Variants in NOS1 observed in about 807,000 individuals in gnomAD.
NOS1 encodes the protein NOS type I.
A neutral mutation model predicts 164.5 loss-of-function variants in NOS1; 51 were observed. That is an observed-to-expected ratio of 0.31 (90% confidence interval 0.25 to 0.39). NOS1 has a LOEUF of 0.39. Among genes scored for constraint, NOS1 ranks in the 10% least tolerant of loss-of-function variants. The probability of loss-of-function intolerance (pLI) is 1.00; values close to 1 mark genes in which losing one functional copy is unlikely to be tolerated. For missense variants in NOS1, 1,362 were observed against 1,885.6 expected (o/e 0.72, Z 5.14); for synonymous variants, 719 against 745.8 (o/e 0.96, Z 0.59).
intron 3 of NOS1, among the ~76,000 whole-genome samples, chr12:117,304,236 AG>A (rs1874014795): frequency 6.6e-6 from 1 of 152,176 alleles, no homozygotes; most frequent in South Asian, 2.1e-4. Context: ...GCAACCTCAG[AG>A]AACTAATAAT....
chr12:117,309,431 T>C, intron 3 of NOS1: 1 of 970,420 alleles, frequency 1.0e-6, no homozygotes, highest in Non-Finnish European at 1.2e-6. Flanking sequence ...GTAGAGAACT[T>C]TGAGGCCTTG....
intron 12 of NOS1, 43 bp from the exon 13 acceptor site, chr12:117,264,017 G>A: frequency 6.5e-7 from 1 of 1,534,542 alleles, no homozygotes; most frequent in East Asian, 2.3e-5. Flanking sequence ...ACTGCAGTGA[G>A]GGCATCTGGT....
intron 23 of NOS1, among the ~76,000 whole-genome samples, chr12:117,227,099 T>C (rs140235927): frequency 4.3e-4 from 66 of 152,204 alleles, no homozygotes; most frequent in African/African-American, 1.6e-3. Context: ...AGGGCAGAGC[T>C]TGGGTTATCT....
At chr12:117,358,008 G>C (rs970974780) in intron 1 of NOS1, among the ~76,000 whole-genome samples, 1 of 152,104 alleles carries the variant, frequency 6.6e-6, no homozygotes, top group Non-Finnish European at 1.5e-5. Context: ...CAGTTCTCAC[G>C]AGCACGGATT....
In NOS1 at chr12:117,294,401, G is replaced by A. The variant is rs73405429; in HGVS notation, c.853-3975C>T. 5.6e-3 allele frequency among the ~76,000 whole-genome samples: 854 copies of A among 152,286 alleles called. 7 individuals carry two copies. Among genetic ancestry groups the A allele is most frequent in the African/African-American group, 0.019 (800 of 41,554 alleles). Reference sequence around the variant, plus strand: ...CCATCTGTTGAGGTCCCAGATGTGCGAGGGGTGGTCGTTACGAGTCAAGTA... The same window carrying A: ...CCATCTGTTGAGGTCCCAGATGTGCAAGGGGTGGTCGTTACGAGTCAAGTA... On this transcript the variant is annotated intron_variant, in intron 3 of 28. Transcript: ENST00000317775.
chr12:117,301,565 G>A lies in NOS1; in HGVS notation c.852+9901C>T, dbSNP rs115371437. Among the ~76,000 whole-genome samples the A allele has an allele frequency of 3.7e-3, 560 of 152,296 alleles. 3 individuals are homozygous for A. The highest frequency in any genetic ancestry group is 0.013 in the African/African-American group (533 of 41,564). ...GAAAATAGAGGCTGTGAGAGGTGAC[G>A]TGGCTATCCCCAAATTAATGAAAAA... On this transcript the variant is annotated intron_variant, in intron 3 of 28. Coordinates refer to ENST00000317775, the MANE Select transcript of NOS1 (RefSeq NM_000620.5).
chr12:117,235,593 G>T (rs1192711479), intron 20 of NOS1, among the ~76,000 whole-genome samples: 2 of 152,132 alleles, frequency 1.3e-5, no homozygotes, highest in African/African-American at 4.8e-5. Flanking sequence ...ACAAAATTGA[G>T]AGATCTAAAA....
At chr12:117,220,031 G>T in intron 27 of NOS1, 44 bp downstream of exon 27, 4 of 1,550,486 alleles carry the variant, frequency 2.6e-6, no homozygotes, top group Non-Finnish European at 3.5e-6. Context: ...GGATAGGAGA[G>T]TGGATGTAGG....
chr12:117,251,474 G>T (rs776983042), intron 17 of NOS1, among the ~76,000 whole-genome samples: 10 of 151,910 alleles, frequency 6.6e-5, no homozygotes, highest in African/African-American at 1.9e-4. Context: ...TAGTAGTAGC[G>T]TGATCATGGC....
chr12:117,287,937 ATGGG>A, intron 5 of NOS1, 133 bp downstream of exon 5: 1 of 832,328 alleles, frequency 1.2e-6, no homozygotes, highest in Non-Finnish European at 1.9e-6. Flanking sequence ...GATGTGACCT[ATGGG>A]TAGCCAGTCT....
At position 117,211,779 on chromosome 12, in the gene NOS1, C is replaced by T. The variant is rs1334209151; in HGVS notation, c.*3530G>A. ...GGTGTCTCTCTCCATCAGATTATAA[C>T]CTTTGGCTGGGCGTGGTGGCTCATG... On this transcript the variant is annotated 3_prime_UTR_variant, in exon 29 of 29. Transcript: ENST00000317775. 3.0e-6 allele frequency: 3 copies of T among 985,230 alleles called. No homozygotes were observed. The African/African-American group carries it at 5.2e-5, about 17-fold the overall frequency. 61.0% of individuals were successfully genotyped at this position (985,230 alleles called of 1,614,324 possible).
intron 8 of NOS1, among the ~76,000 whole-genome samples, chr12:117,279,299 C>T (rs1285254484): frequency 6.6e-6 from 1 of 151,988 alleles, no homozygotes; most frequent in Non-Finnish European, 1.5e-5. Context: ...ATTGCTTGAA[C>T]TCAGAGTTGC....
chr12:117,245,029 C>T (rs1030265587), intron 18 of NOS1, among the ~76,000 whole-genome samples: 3 of 152,074 alleles, frequency 2.0e-5, no homozygotes, highest in Non-Finnish European at 2.9e-5. Flanking sequence ...TATAAAAAGC[C>T]GTTATCTCAT....
intron 3 of NOS1, among the ~76,000 whole-genome samples, chr12:117,291,082 T>C (rs1873026544): frequency 6.6e-6 from 1 of 151,982 alleles, no homozygotes; most frequent in Non-Finnish European, 1.5e-5. Flanking sequence ...GGTGTGGTAG[T>C]GCACACCTGT....
In NOS1 at chr12:117,265,492, C is replaced by A. The variant is rs1872315328; in HGVS notation, c.1960G>T (p.Val654Phe). ...YSFQSDKVTIVDHHSATESFI... is the reference protein window; with the variant it reads ...YSFQSDKVTIFDHHSATESFI... ...GACTCGGTGGCGGAGTGATGGTCAA[C>A]AATGGTCACTTTGTCACTCTGTGGG... is the stretch of plus-strand genomic sequence containing the variant. The change falls in exon 12 of 29, where the codon GTT becomes TTT. Residue 654 changes from valine (V) to phenylalanine (F), a missense_variant. Transcript: ENST00000317775. The A allele has an allele frequency of 6.4e-7, 1 of 1,556,106 alleles. No individual in the cohort carries two copies. Among genetic ancestry groups the A allele is most frequent in the Non-Finnish European group, 8.7e-7 (1 of 1,149,404 alleles).
chr12:117,319,184 A>G (rs1874798301), intron 2 of NOS1, among the ~76,000 whole-genome samples: 1 of 152,116 alleles, frequency 6.6e-6, no homozygotes, highest in African/African-American at 2.4e-5. Context: ...CCTGAGTAGT[A>G]GGGATTATAG....
chr12:117,352,313 G>A (rs1876661162), intron 1 of NOS1, among the ~76,000 whole-genome samples: 1 of 152,198 alleles, frequency 6.6e-6, no homozygotes, highest in Non-Finnish European at 1.5e-5. Flanking sequence ...CACTGAGAAG[G>A]AGGTCAGAGC....
In NOS1 at chr12:117,212,283, C is replaced by T. The variant is rs1375166705; in HGVS notation, c.*3026G>A. The T allele has an allele frequency of 5.2e-5, 51 of 985,368 alleles. No individual in the cohort carries two copies. The highest frequency in any genetic ancestry group is 6.0e-5 in the Non-Finnish European group (50 of 829,930). The allele number at this position is 985,368 out of a possible 1,614,324, so 61.0% of individuals were successfully genotyped here. A position where few individuals can be genotyped will look rare whatever the true frequency, so the allele number is the denominator to read the frequency against. On this transcript the variant is annotated 3_prime_UTR_variant, in exon 29 of 29. Transcript: ENST00000317775. ...TGTTATACAGGTGGGTATGCAGACT[C>T]TAAAAGGTCAAGTGAGCCGCCCACA...
intron 16 of NOS1, among the ~76,000 whole-genome samples, chr12:117,256,688 A>C (rs1871485779): frequency 6.6e-6 from 1 of 152,126 alleles, no homozygotes; most frequent in African/African-American, 2.4e-5. Context: ...GCAAATACTG[A>C]GTTGGCCTCA....
Sources: allele counts gnomAD v4.1 joint callset (sites outside exome capture counted in the v4.1 genomes callset), GRCh38; gene constraint gnomAD v4.1.1; transcripts MANE v1.5; gene names NCBI Gene and HGNC (gene_info 2026-07-23, HGNC 2026-07-21).